The following IPCEF1 variants were observed in gnomAD, a reference collection of about 807,000 sequenced individuals.
IPCEF1 encodes interactor protein for cytohesin exchange factors 1.
In IPCEF1, 31 loss-of-function variants were observed where a neutral mutation model predicts 50.9. The ratio of observed to expected loss-of-function variants is 0.61; its 90% CI spans 0.46 to 0.82. The LOEUF (loss-of-function observed/expected upper bound fraction) is 0.82. Ranked by LOEUF, IPCEF1 falls within the 40% of genes least tolerant of loss-of-function variation. IPCEF1 has a pLI of 0.00. For synonymous variants in IPCEF1, 181 were observed against 192.0 expected (o/e 0.94, Z 0.47); for missense variants, 458 against 514.0 (o/e 0.89, Z 1.05).
chr6:154,187,054 T>C (rs1321854154), intron 10 of IPCEF1, among the ~76,000 whole-genome samples: 2 of 152,186 alleles, frequency 1.3e-5, no homozygotes, highest in African/African-American at 4.8e-5. Context: ...CTCCACACTC[T>C]GTCTTCCTGC....
At chr6:154,295,147 G>A (rs2128671365) in intron 1 of IPCEF1, among the ~76,000 whole-genome samples, 1 of 152,120 alleles carries the variant, frequency 6.6e-6, no homozygotes, top group East Asian at 1.9e-4. Flanking sequence ...GCAGTGAGCT[G>A]AGATTGCGCC....
At chr6:154,325,436 A>C (rs1258382325) in intron 1 of IPCEF1, among the ~76,000 whole-genome samples, 2 of 152,228 alleles carry the variant, frequency 1.3e-5, no homozygotes, top group East Asian at 1.9e-4. Flanking sequence ...CCAAAGTCTT[A>C]AGTAAGAGTA....
At chr6:154,261,856 C>A (rs1243413790) in intron 3 of IPCEF1, among the ~76,000 whole-genome samples, 1 of 152,120 alleles carries the variant, frequency 6.6e-6, no homozygotes. Context: ...CATCTTTATA[C>A]CCCAGCACCA....
At chr6:154,231,230 T>C (rs949474800) in intron 5 of IPCEF1, among the ~76,000 whole-genome samples, 1 of 151,518 alleles carries the variant, frequency 6.6e-6, no homozygotes, top group African/African-American at 2.5e-5. Flanking sequence ...TAAAAGGAGA[T>C]TGAAGAAAAG....
chr6:154,257,817 A>G (rs1420796024), intron 3 of IPCEF1, among the ~76,000 whole-genome samples: 2 of 152,184 alleles, frequency 1.3e-5, no homozygotes, highest in African/African-American at 4.8e-5. Flanking sequence ...CTCCCACCGC[A>G]GCCTTCCAAG....
intron 5 of IPCEF1, among the ~76,000 whole-genome samples, chr6:154,231,145 A>G (rs1294875477): frequency 6.6e-6 from 1 of 152,232 alleles, no homozygotes; most frequent in Non-Finnish European, 1.5e-5. Context: ...AGTTGTCTCT[A>G]GATTCTCACA....
intron 2 of IPCEF1, among the ~76,000 whole-genome samples, chr6:154,266,805 G>A (rs1352204739): frequency 2.6e-5 from 4 of 151,960 alleles, no homozygotes; most frequent in East Asian, 3.9e-4. Context: ...ATATTCTGTG[G>A]TTTCAAGAAA....
In IPCEF1 at chr6:154,154,861, AC is replaced by A. The variant is rs1166101691; in HGVS notation, c.*4966del. On this transcript the variant is annotated 3_prime_UTR_variant, in exon 12 of 12. Transcript: ENST00000367220. Reference sequence around the variant, plus strand: ...CAGTAAAACTTAAGCTAAGATTTCCACATTAATATCTTGCCCCCAAACACCA... The same window carrying A: ...CAGTAAAACTTAAGCTAAGATTTCCAATTAATATCTTGCCCCCAAACACCA... 3.9e-5 allele frequency: 6 copies of A among 152,620 alleles called. No individual in the cohort carries two copies. Among genetic ancestry groups the A allele is most frequent in the African/African-American group, 1.4e-4 (6 of 41,444 alleles). 9.5% of individuals were successfully genotyped at this position (152,620 alleles called of 1,614,324 possible). A position where few individuals can be genotyped will look rare whatever the true frequency, so the allele number is the denominator to read the frequency against.
At chr6:154,340,842 G>A (rs1415837437) in intron 1 of IPCEF1, among the ~76,000 whole-genome samples, 1 of 147,624 alleles carries the variant, frequency 6.8e-6, no homozygotes, top group Non-Finnish European at 1.5e-5. Flanking sequence ...CAAAGATCAT[G>A]CCATTGCACT....
chr6:154,246,412 A>G (rs1234972034), intron 5 of IPCEF1, among the ~76,000 whole-genome samples, 179 bp downstream of exon 5: 2 of 152,188 alleles, frequency 1.3e-5, no homozygotes, highest in African/African-American at 4.8e-5. Flanking sequence ...TTCTCCATAA[A>G]ACACAGAAGC....
chr6:154,239,382 T>C (rs370532990), intron 5 of IPCEF1, among the ~76,000 whole-genome samples: 2 of 152,188 alleles, frequency 1.3e-5, no homozygotes, highest in East Asian at 1.9e-4. Context: ...AGACAATAAA[T>C]AAACTAAATG....
chr6:154,280,785 T>A (rs1305821236), intron 2 of IPCEF1, among the ~76,000 whole-genome samples: 1 of 152,244 alleles, frequency 6.6e-6, no homozygotes, highest in East Asian at 1.9e-4. Context: ...TGGTATTCTA[T>A]TTCTTGACTG....
chr6:154,274,607 G>A (rs1399574963), intron 2 of IPCEF1, among the ~76,000 whole-genome samples: 2 of 152,220 alleles, frequency 1.3e-5, no homozygotes, highest in South Asian at 2.1e-4. Flanking sequence ...CCCTCTTGGA[G>A]GTACAAAGCT....
chr6:154,224,333 C>T (rs958273459), intron 5 of IPCEF1, among the ~76,000 whole-genome samples: 2 of 152,196 alleles, frequency 1.3e-5, no homozygotes, highest in African/African-American at 4.8e-5. Context: ...TGTGAGGCAT[C>T]CAACCCTATG....
Position 154,199,959 on chromosome 6 carries a change from T to G in IPCEF1, c.619A>C (p.Thr207Pro), listed in dbSNP as rs1776931121. The G allele has an allele frequency of 6.2e-7, 1 of 1,614,206 alleles. No individual in the cohort carries two copies. The highest frequency in any genetic ancestry group is 2.2e-5 in the East Asian group (1 of 44,878). ...AAGGAGGAAGGAAAACTGCTGGGTGTCTTCACTGTATTTTCCAGGGAAGAG... is the reference window on the plus strand; with the variant it reads ...AAGGAGGAAGGAAAACTGCTGGGTGGCTTCACTGTATTTTCCAGGGAAGAG... The part of the protein sequence containing the change: ...SFSSLENTVK[T>P]PSSFPSSLSK... The change falls in exon 10 of 12, where the codon ACA (threonine) becomes CCA (proline). Residue 207 changes from threonine to proline, a missense_variant. Physicochemically the swap from Thr to Pro is conservative, Grantham distance 38. Coordinates refer to ENST00000367220, the MANE Select transcript of IPCEF1 (RefSeq NM_001130700.2).
chr6:154,244,297 G>T (rs934050311), intron 5 of IPCEF1, among the ~76,000 whole-genome samples: 6 of 76,802 alleles, frequency 7.8e-5, no homozygotes, highest in Admixed American at 1.5e-4. Context: ...TGTGTGTGTG[G>T]GTGGGTGTGT....
chr6:154,243,939 G>T (rs1780807949), intron 5 of IPCEF1, among the ~76,000 whole-genome samples: 1 of 152,096 alleles, frequency 6.6e-6, no homozygotes, highest in Non-Finnish European at 1.5e-5. Flanking sequence ...ACCTACCTTG[G>T]CCTAGAGTAG....
At chr6:154,243,347 C>T (rs190132999) in intron 5 of IPCEF1, among the ~76,000 whole-genome samples, 28 of 152,238 alleles carry the variant, frequency 1.8e-4, no homozygotes, top group African/African-American at 4.6e-4. Flanking sequence ...ACTTGTGTGC[C>T]GCGTCACACT....
At chr6:154,281,366 A>T (rs573673055) in intron 2 of IPCEF1, among the ~76,000 whole-genome samples, 30 of 149,214 alleles carry the variant, frequency 2.0e-4, no homozygotes, top group Middle Eastern at 3.4e-3. Context: ...AAAAAAAAAA[A>T]TTTTTTTTAA....
Sources: allele counts gnomAD v4.1 joint callset (sites outside exome capture counted in the v4.1 genomes callset), GRCh38; gene constraint gnomAD v4.1.1; transcripts MANE v1.5; gene names NCBI Gene and HGNC (gene_info 2026-07-23, HGNC 2026-07-21).